The following NUBPL variants were observed in gnomAD, a reference collection of about 807,000 sequenced individuals.
NUBPL encodes iron-sulfur cluster transfer protein NUBPL.
A neutral mutation model predicts 45.7 loss-of-function variants in NUBPL; 31 were observed. The ratio of observed to expected loss-of-function variants is 0.68; its 90% CI spans 0.51 to 0.92. The LOEUF (loss-of-function observed/expected upper bound fraction) is 0.92. NUBPL is among the 40% of genes least tolerant of loss of function. The pLI is 0.00. For synonymous variants in NUBPL, 144 were observed against 140.9 expected, an observed-to-expected ratio of 1.02 and a Z score of -0.15; for missense variants, 401 against 398.7, an observed-to-expected ratio of 1.01 and a Z score of -0.05.
chr14:31,632,129 A>G (rs532671173), intron 4 of NUBPL, among the ~76,000 whole-genome samples: 2 of 152,198 alleles, frequency 1.3e-5, no homozygotes, highest in Admixed American at 6.5e-5. Context: ...AACACATAGC[A>G]TATTCAGAAT....
chr14:31,781,948 C>T (rs756236065), intron 6 of NUBPL, among the ~76,000 whole-genome samples: 2 of 152,112 alleles, frequency 1.3e-5, no homozygotes, highest in Non-Finnish European at 2.9e-5. Flanking sequence ...TCTTACGTCT[C>T]TCTCCCCTTA....
chr14:31,784,016 A>G (rs1214901234), intron 6 of NUBPL, among the ~76,000 whole-genome samples: 1 of 152,130 alleles, frequency 6.6e-6, no homozygotes, highest in Non-Finnish European at 1.5e-5. Context: ...TTTTGGGGTA[A>G]GTTTTGTCAA....
intron 4 of NUBPL, among the ~76,000 whole-genome samples, chr14:31,666,963 TTCTC>T (rs745593290): frequency 9.2e-5 from 14 of 152,176 alleles, no homozygotes; most frequent in Non-Finnish European, 1.9e-4. Context: ...AATCTGACCT[TTCTC>T]TCTGGCTGCC....
At chr14:31,699,927 GT>G (rs1405353350) in intron 6 of NUBPL, among the ~76,000 whole-genome samples, 1 of 152,156 alleles carries the variant, frequency 6.6e-6, no homozygotes, top group Non-Finnish European at 1.5e-5. Flanking sequence ...GATTTTAAAT[GT>G]TCTTACCATA....
intron 10 of NUBPL, 115 bp downstream of exon 10, chr14:31,850,316 G>C (rs2040518797): frequency 3.7e-6 from 3 of 807,578 alleles, no homozygotes; most frequent in Non-Finnish European, 6.2e-6. Flanking sequence ...ATTTAAACAA[G>C]GATTATTTAA....
rs375191140 is a variant in NUBPL, at chr14:31,860,565, A to G, written c.*1385A>G. The G allele has an allele frequency of 8.9e-4, 135 of 152,318 alleles. No homozygotes were observed. Among genetic ancestry groups the G allele is most frequent in the African/African-American group, 3.0e-3 (125 of 41,586 alleles). 9.4% of individuals were successfully genotyped at this position (152,318 alleles called of 1,614,324 possible). A position where few individuals can be genotyped will look rare whatever the true frequency, so the allele number is the denominator to read the frequency against. On this transcript the variant is annotated 3_prime_UTR_variant, in exon 11 of 11. Coordinates refer to ENST00000281081, the MANE Select transcript of NUBPL (RefSeq NM_025152.3). ...AAGTGTGAGCCATTAGTTAATTCGC[A>G]TTTATAAAGAAGTGGTCTGTCACTT...
chr14:31,848,371 C>T (rs2040485865), intron 9 of NUBPL, among the ~76,000 whole-genome samples: 1 of 152,168 alleles, frequency 6.6e-6, no homozygotes, highest in South Asian at 2.1e-4. Flanking sequence ...CAGCTCTGGC[C>T]TCTTGGCCAG....
chr14:31,615,130 A>G (rs934641196), intron 4 of NUBPL, among the ~76,000 whole-genome samples: 3 of 152,056 alleles, frequency 2.0e-5, no homozygotes, highest in Admixed American at 6.6e-5. Context: ...TTCTCATGAT[A>G]GTGAGTGAGT....
At position 31,692,504 on chromosome 14, in the gene NUBPL, T is replaced by C. The variant is rs74040893; in HGVS notation, c.513+18930T>C. 3.1e-3 allele frequency among the ~76,000 whole-genome samples: 470 copies of C among 152,336 alleles called. 2 individuals are homozygous for C. Among genetic ancestry groups the C allele is most frequent in the African/African-American group, 0.011 (437 of 41,578 alleles). ...AGACCAGGGATTTTGGCAGCAGTTT[T>C]AGTGCTTTTAGTTCAATCTTCAGTA... is the stretch of plus-strand genomic sequence containing the variant. On this transcript the variant is annotated intron_variant, in intron 6 of 10. Coordinates refer to ENST00000281081, the MANE Select transcript of NUBPL (RefSeq NM_025152.3).
chr14:31,638,457 C>A (rs146717180), intron 4 of NUBPL, among the ~76,000 whole-genome samples: 55,185 of 151,004 alleles, frequency 0.37, 12,402 homozygotes, highest in East Asian at 0.59. Context: ...CCGAGAGATC[C>A]GCTGTTAGTC....
chr14:31,675,594 A>G (rs2036675130), intron 6 of NUBPL, among the ~76,000 whole-genome samples: 1 of 152,358 alleles, frequency 6.6e-6, no homozygotes, highest in African/African-American at 2.4e-5. Context: ...AAACACCTAT[A>G]TAATCATCAT....
chr14:31,846,549 G>C lies in NUBPL; in HGVS notation c.772G>C (p.Gly258Arg). 1 of 1,613,398 alleles carries C rather than the reference G, an allele frequency of 6.2e-7. No individual in the cohort carries two copies. Among genetic ancestry groups the C allele is most frequent in the Non-Finnish European group, 8.5e-7 (1 of 1,179,682 alleles). The change falls in exon 9 of 11, where the codon GGT becomes CGT. Residue 258 changes from glycine to arginine, a missense_variant. Gly to Arg is a moderately radical substitution (Grantham distance 125). Coordinates refer to ENST00000281081, the MANE Select transcript of NUBPL (RefSeq NM_025152.3). ...CAAAACTCATATTTTTGGTGCTGAT[G>C]GTGCAAGGAAACTAGCACAGACCCT... Reference protein sequence around the residue: ...KHKTHIFGADGARKLAQTLGL... With the variant: ...KHKTHIFGADRARKLAQTLGL...
chr14:31,628,847 T>C (rs897038016), intron 4 of NUBPL, among the ~76,000 whole-genome samples: 2 of 152,216 alleles, frequency 1.3e-5, no homozygotes, highest in Non-Finnish European at 2.9e-5. Flanking sequence ...TGAATAATTT[T>C]TACTGTATTA....
chr14:31,759,187 T>C (rs1305890732), intron 6 of NUBPL, among the ~76,000 whole-genome samples: 1 of 152,172 alleles, frequency 6.6e-6, no homozygotes, highest in Admixed American at 6.5e-5. Context: ...ATTTTGTAAT[T>C]TGTTTATTCT....
chr14:31,674,582 A>G (rs2139814437), intron 6 of NUBPL, among the ~76,000 whole-genome samples: 1 of 152,218 alleles, frequency 6.6e-6, no homozygotes, highest in South Asian at 2.1e-4. Flanking sequence ...TTCCTTTGTG[A>G]CCTTGACCTT....
chr14:31,837,385 A>C (rs755327320), intron 8 of NUBPL, among the ~76,000 whole-genome samples: 4 of 152,176 alleles, frequency 2.6e-5, no homozygotes, highest in African/African-American at 4.8e-5. Context: ...ATTTTTGTGC[A>C]TCTTTAGACC....
chr14:31,718,661 A>T (rs561529803), intron 6 of NUBPL, among the ~76,000 whole-genome samples: 2 of 152,188 alleles, frequency 1.3e-5, no homozygotes, highest in African/African-American at 4.8e-5. Flanking sequence ...TCCAGGATGT[A>T]TGAGGAGTTG....
chr14:31,630,757 C>T (rs2035320090), intron 4 of NUBPL, among the ~76,000 whole-genome samples: 1 of 152,108 alleles, frequency 6.6e-6, no homozygotes, highest in Non-Finnish European at 1.5e-5. Context: ...ACTCTCTACC[C>T]AATGCTCCAT....
At chr14:31,682,393 C>A (rs1392136482) in intron 6 of NUBPL, among the ~76,000 whole-genome samples, 2 of 151,954 alleles carry the variant, frequency 1.3e-5, no homozygotes, top group Admixed American at 1.3e-4. Context: ...TTACTTTTAA[C>A]CTTCTATTTC....
Sources: gnomAD v4.1 joint callset for allele counts (sites outside exome capture counted in the v4.1 genomes callset) on GRCh38, gnomAD v4.1.1 for gene constraint, MANE v1.5 for transcripts, NCBI Gene and HGNC (gene_info 2026-07-23, HGNC 2026-07-21) for gene names.